TTC23: variants seen among roughly 807,000 people sequenced by gnomAD.
TTC23 encodes tetratricopeptide repeat protein 23.
Under a neutral mutation model 55.1 loss-of-function variants are expected in TTC23, and 58 were observed. The ratio of observed to expected loss-of-function variants is 1.05; its 90% CI spans 0.85 to 1.31. The LOEUF is 1.31. Ranked by LOEUF, TTC23 falls within the 50% of genes most tolerant of loss-of-function variation. The pLI is 0.00. For synonymous variants in TTC23, 203 were observed against 199.9 expected (o/e 1.02, Z -0.13); for missense variants, 516 against 534.4 (o/e 0.97, Z 0.34).
intron 4 of TTC23, among the ~76,000 whole-genome samples, chr15:99,233,162 T>C (rs944516543): frequency 6.6e-6 from 1 of 152,216 alleles, no homozygotes; most frequent in Non-Finnish European, 1.5e-5. Flanking sequence ...AGATCTATTG[T>C]ATAACATGGT....
Position 99,228,632 on chromosome 15 carries a change from CTTCT to C in TTC23, c.77_80del (p.Lys26SerfsTer46). The C allele has an allele frequency of 6.2e-7, 1 of 1,613,866 alleles. No homozygotes were observed. The highest frequency in any genetic ancestry group is 8.5e-7 in the Non-Finnish European group (1 of 1,179,850). On this transcript the variant is annotated frameshift_variant, in exon 5 of 14. Transcript: ENST00000394132. LOFTEE classifies it high-confidence loss of function. ...CTGTCTGAAGCAGCTTGTTTTGGAACTTCTTTCTATGAGTGATGCTAACAGCAGC... is the reference window on the plus strand; with the variant it reads ...CTGTCTGAAGCAGCTTGTTTTGGAACTTCTATGAGTGATGCTAACAGCAGC...
intron 4 of TTC23, 53 bp downstream of exon 4, chr15:99,234,935 G>A (rs2079190385): frequency 6.7e-6 from 1 of 149,200 alleles, no homozygotes; most frequent in Non-Finnish European, 1.5e-5. Flanking sequence ...CAGTTTGGCA[G>A]GGTTTAAAAA....
At chr15:99,224,651 T>C (rs1451058091) in intron 5 of TTC23, among the ~76,000 whole-genome samples, 1 of 152,214 alleles carries the variant, frequency 6.6e-6, no homozygotes, top group Non-Finnish European at 1.5e-5. Context: ...ATGGGATTGC[T>C]GTATAAAGGA....
rs985109889 is a variant in TTC23, at chr15:99,226,934, A to G, written c.180+1599T>C. On this transcript the variant is annotated intron_variant, in intron 5 of 13. Coordinates refer to ENST00000394132, the MANE Select transcript of TTC23 (RefSeq NM_001288615.3). ...ATGCACCTTGTCTGTCCTGTTCACCATTGTATGCTGGATTCTTCACCAGAA... is the reference window on the plus strand; with the variant it reads ...ATGCACCTTGTCTGTCCTGTTCACCGTTGTATGCTGGATTCTTCACCAGAA... 6.6e-5 allele frequency among the ~76,000 whole-genome samples: 10 copies of G among 152,338 alleles called. No individual in the cohort carries two copies. In the South Asian group the frequency reaches 1.9e-3, roughly 28 times the overall value.
chr15:99,147,289 G>A (rs537078899), intron 12 of TTC23, among the ~76,000 whole-genome samples: 286 of 139,622 alleles, frequency 2.0e-3, no homozygotes, highest in Non-Finnish European at 3.5e-3. Flanking sequence ...GCAGCGGCGC[G>A]ATCTCAGCTC....
chr15:99,194,856 A>G (rs150764121), intron 9 of TTC23, among the ~76,000 whole-genome samples: 2 of 152,320 alleles, frequency 1.3e-5, no homozygotes, highest in Non-Finnish European at 2.9e-5. Flanking sequence ...AATTGCTTGA[A>G]TCTGGGAGGC....
chr15:99,220,147 G>C (rs2077804059), intron 6 of TTC23, among the ~76,000 whole-genome samples: 2 of 152,194 alleles, frequency 1.3e-5, no homozygotes, highest in South Asian at 2.1e-4. Flanking sequence ...CATTGGCTCT[G>C]AAGTCAGACT....
At chr15:99,243,724 A>G (rs1264730259) in intron 2 of TTC23, among the ~76,000 whole-genome samples, 1 of 152,234 alleles carries the variant, frequency 6.6e-6, no homozygotes, top group East Asian at 1.9e-4. Context: ...AGGCAGAGAG[A>G]GACAAATTTT....
At position 99,221,436 on chromosome 15, in the gene TTC23, G is replaced by A. The variant is rs557211255; in HGVS notation, c.304+305C>T. ...TTCTGGGCCCCTATTCCATACCTTGGGTTTTTTCCTACAAAGTCTTCTGGC... is the reference window on the plus strand; with the variant it reads ...TTCTGGGCCCCTATTCCATACCTTGAGTTTTTTCCTACAAAGTCTTCTGGC... On this transcript the variant is annotated intron_variant, in intron 6 of 13. Coordinates refer to ENST00000394132, the MANE Select transcript of TTC23 (RefSeq NM_001288615.3). 2.6e-5 allele frequency among the ~76,000 whole-genome samples: 4 copies of A among 152,018 alleles called. No individual in the cohort carries two copies. In the East Asian group the frequency reaches 5.8e-4, roughly 22 times the overall value.
rs1424163628 is a variant in TTC23, at chr15:99,175,064, C to A, written c.851G>T (p.Arg284Ile). Residue 284 changes from arginine (R) to isoleucine (I), a missense_variant, in exon 10 of 14, where the codon AGA (arginine) becomes ATA (isoleucine). Coordinates refer to ENST00000394132, the MANE Select transcript of TTC23 (RefSeq NM_001288615.3). ...IVAHAAVASG[R>I]HEHHDVAEQY... is the part of the protein sequence containing the mutation. ...ATTCTTCTCACCATGGTGCTCGTGT[C>A]TCCCTGAAGCGACAGCAGCATGGGC... 2.5e-6 allele frequency: 4 copies of A among 1,613,992 alleles called. No homozygotes were observed. The African/African-American group carries it at 5.3e-5, about 22-fold the overall frequency.
intron 9 of TTC23, among the ~76,000 whole-genome samples, chr15:99,187,469 C>CAAAAAA (rs1451783999): frequency 1.8e-5 from 2 of 110,648 alleles, no homozygotes; most frequent in Non-Finnish European, 3.5e-5. Flanking sequence ...AAAAAAAAAA[C>CAAAAAA]AAAACAAAAG....
At position 99,138,120 on chromosome 15, in the gene TTC23, TG is replaced by T. The variant is rs782280476; in HGVS notation, c.1233del (p.Lys412ArgfsTer53). ...GCCTGCCTTGGCTTCGAAGCAACCT[TG>T]GGGGCCCTGCAGACAAGCAGAGGGT... ...QQAMGMLSTA[P>X]KVASKPRQAS... is the part of the protein sequence containing the mutation. On this transcript the variant is annotated frameshift_variant, in exon 14 of 14. Coordinates refer to ENST00000394132, the MANE Select transcript of TTC23 (RefSeq NM_001288615.3). LOFTEE classifies it high-confidence loss of function. The T allele has an allele frequency of 2.2e-5, 35 of 1,612,490 alleles. No homozygotes were observed. In the African/African-American group the frequency reaches 4.7e-4, roughly 22 times the overall value.
intron 12 of TTC23, chr15:99,155,861 G>C: frequency 2.1e-6 from 1 of 475,674 alleles, no homozygotes; most frequent in Non-Finnish European, 3.7e-6. Flanking sequence ...TCAGTATAGA[G>C]AGAGCACCGC....
At chr15:99,198,312 C>G (rs543457180) in intron 9 of TTC23, among the ~76,000 whole-genome samples, 1 of 152,214 alleles carries the variant, frequency 6.6e-6, no homozygotes, top group Non-Finnish European at 1.5e-5. Flanking sequence ...CAAATATCTA[C>G]TCAGCAGTCC....
chr15:99,183,662 C>A (rs2074385722), intron 9 of TTC23, among the ~76,000 whole-genome samples: 1 of 151,906 alleles, frequency 6.6e-6, no homozygotes, highest in Non-Finnish European at 1.5e-5. Flanking sequence ...TTCTAAGCAG[C>A]CGAGCATTCA....
At chr15:99,168,853 C>T (rs1244396864) in intron 10 of TTC23, among the ~76,000 whole-genome samples, 2 of 152,174 alleles carry the variant, frequency 1.3e-5, no homozygotes, top group African/African-American at 4.8e-5. Context: ...GAGCCCTGCA[C>T]CCTCAGCAGC....
intron 10 of TTC23, among the ~76,000 whole-genome samples, chr15:99,163,461 G>C (rs1044631627): frequency 6.6e-6 from 1 of 152,194 alleles, no homozygotes; most frequent in South Asian, 2.1e-4. Context: ...AGTGGAGCTG[G>C]CCAACAATGC....
intron 5 of TTC23, among the ~76,000 whole-genome samples, chr15:99,222,890 G>A (rs973787613): frequency 3.3e-5 from 5 of 152,128 alleles, no homozygotes; most frequent in Non-Finnish European, 7.4e-5. Flanking sequence ...CCAGCTACTC[G>A]GGAGGCTGGG....
intron 12 of TTC23, among the ~76,000 whole-genome samples, chr15:99,142,165 A>G (rs1236439329): frequency 6.6e-6 from 1 of 152,102 alleles, no homozygotes; most frequent in East Asian, 1.9e-4. Context: ...TTTGACAGCC[A>G]TGGTACCTGA....
Sources: allele counts gnomAD v4.1 joint callset (sites outside exome capture counted in the v4.1 genomes callset), GRCh38; gene constraint gnomAD v4.1.1; transcripts MANE v1.5; gene names NCBI Gene and HGNC (gene_info 2026-07-23, HGNC 2026-07-21).